SLC23A3: variants seen among roughly 807,000 people sequenced by gnomAD.
SLC23A3 encodes solute carrier family 23 member 3, also known as E2-binding protein 3.
Under a neutral mutation model 64.7 loss-of-function variants are expected in SLC23A3, and 41 were observed. That is an observed-to-expected ratio of 0.63 (90% CI 0.49 to 0.82). The LOEUF is 0.82. Among genes scored for constraint, SLC23A3 ranks in the 40% least tolerant of loss-of-function variants. The probability of loss-of-function intolerance (pLI) is 0.00; values close to 1 mark genes in which losing one functional copy is unlikely to be tolerated. For missense variants in SLC23A3, 647 were observed against 733.4 expected, an observed-to-expected ratio of 0.88 and a Z score of 1.36; for synonymous variants, 281 against 306.8, an observed-to-expected ratio of 0.92 and a Z score of 0.88.
intron 9 of SLC23A3, 130 bp downstream of exon 9, chr2:219,164,103 C>T (rs923489981): frequency 3.1e-6 from 2 of 647,580 alleles, no homozygotes; most frequent in Non-Finnish European, 5.5e-6. Context: ...CATATCCATC[C>T]ATCCATCCAT....
rs1384429372 is a variant in SLC23A3, at chr2:219,168,836, G to A, written c.493-3C>T. On this transcript the variant is annotated splice_region_variant and splice_polypyrimidine_tract_variant and intron_variant, in intron 4 of 11. Transcript: ENST00000409878. The stretch of plus-strand genomic sequence containing the variant: ...GATACTACCACTGCCCCGGACACCT[G>A]GTAGAAGAGAGGAGAGGATGGAGAG... 6.3e-7 allele frequency: 1 copy of A among 1,579,758 alleles called. No homozygotes were observed. Among genetic ancestry groups the A allele is most frequent in the African/African-American group, 1.4e-5 (1 of 73,854 alleles).
Position 219,165,294 on chromosome 2 carries a change from G to A in SLC23A3, c.1042C>T (p.Pro348Ser), listed in dbSNP as rs1253241689. Reference sequence around the variant, plus strand: ...AGCCCTCGACTGCAGGCATGTGGAGGTGGGGGAGGCAAATGCAGCAGCCGG... The same window carrying A: ...AGCCCTCGACTGCAGGCATGTGGAGATGGGGGAGGCAAATGCAGCAGCCGG... ...CGRLLHLPPP[P>S]PHACSRGLSL... Residue 348 changes from proline to serine, a missense_variant, in exon 8 of 12, where the codon CCT (proline) becomes TCT (serine). Transcript: ENST00000409878. 4 of 1,551,520 alleles carry A rather than the reference G, an allele frequency of 2.6e-6. No homozygotes were observed. Among genetic ancestry groups the A allele is most frequent in the Non-Finnish European group, 3.5e-6 (4 of 1,147,012 alleles).
chr2:219,162,057 T>G lies in SLC23A3; in HGVS notation c.1685A>C (p.Gln562Pro). 1 of 1,614,100 alleles carries G rather than the reference T, an allele frequency of 6.2e-7. No individual in the cohort carries two copies. Among genetic ancestry groups the G allele is most frequent in the South Asian group, 1.1e-5 (1 of 91,080 alleles). The change falls in exon 12 of 12, where the codon CAG (glutamine) becomes CCG (proline). Residue 562 changes from glutamine to proline, a missense_variant. By Grantham distance (76) the Gln-to-Pro change is moderately conservative. Coordinates refer to ENST00000409878, the MANE Select transcript of SLC23A3 (RefSeq NM_001144889.2). Reference sequence around the variant, plus strand: ...CAGTGGGCAGAGGCAGTGGAGAGGCTGGGGGATGCAGGGACAGAGGTTTTG... The same window carrying G: ...CAGTGGGCAGAGGCAGTGGAGAGGCGGGGGGATGCAGGGACAGAGGTTTTG... ...PIQNLCPCIP[Q>P]PLHCLCPLPE...
At position 219,169,972 on chromosome 2, in the gene SLC23A3, G is replaced by T. The variant is rs758317189; in HGVS notation, c.13C>A (p.Pro5Thr). ...GATCGGAGTTGGCTGGGATTGAGGG[G>T]TGATCGGCTCATGCTGCCTTGCCTT... MSRS[P>T]LNPSQLRSVG... The change falls in exon 1 of 12, where the codon CCC (proline) becomes ACC (threonine). Residue 5 changes from proline (P) to threonine (T), a missense_variant. Coordinates refer to ENST00000409878, the MANE Select transcript of SLC23A3 (RefSeq NM_001144889.2). This position sits in a 1 kb window ranked among gnomAD's most constrained non-coding sequence, Gnocchi z 4.5. 4 of 1,613,980 alleles carry T rather than the reference G, an allele frequency of 2.5e-6. No individual in the cohort carries two copies. The Admixed American group carries it at 6.7e-5, about 27-fold the overall frequency.
intron 5 of SLC23A3, 117 bp from the exon 6 acceptor site, chr2:219,168,435 C>T (rs1950025845): frequency 1.1e-5 from 14 of 1,303,542 alleles, no homozygotes; most frequent in South Asian, 1.5e-5. Context: ...AAGGAAACTC[C>T]CATGGAAGGA....
intron 10 of SLC23A3, 40 bp downstream of exon 10, chr2:219,163,348 C>T: frequency 2.5e-6 from 4 of 1,598,240 alleles, no homozygotes; most frequent in Non-Finnish European, 3.4e-6. Context: ...CCTCAACTTG[C>T]TTTCCTGCTA....
intron 8 of SLC23A3, chr2:219,164,576 T>C (rs1480718829): frequency 4.4e-6 from 2 of 456,244 alleles, no homozygotes; most frequent in Non-Finnish European, 7.8e-6. Context: ...TTTTAATTTT[T>C]TGAGATGGAG....
intron 5 of SLC23A3, 96 bp from the exon 6 acceptor site, chr2:219,168,414 T>C (rs1950025731): frequency 9.4e-6 from 13 of 1,386,722 alleles, no homozygotes; most frequent in Non-Finnish European, 1.3e-5. Flanking sequence ...GAGCGGGGGG[T>C]GATACCAGAG....
At position 219,164,221 on chromosome 2, in the gene SLC23A3, A is replaced by T. The variant is rs1213153431; in HGVS notation, c.1273+12T>A. The T allele has an allele frequency of 6.4e-7, 1 of 1,571,730 alleles. No homozygotes were observed. The highest frequency in any genetic ancestry group is 8.7e-7 in the Non-Finnish European group (1 of 1,147,268). On this transcript the variant is annotated intron_variant, in intron 9 of 11. Transcript: ENST00000409878. ...GCAGTTCAATACCAGCCCTGTTGAT[A>T]CATCCACTCACCAACAACAGGCAGT... is the stretch of plus-strand genomic sequence containing the variant.
chr2:219,162,533 T>C, intron 10 of SLC23A3, 139 bp from the exon 11 acceptor site: 1 of 665,524 alleles, frequency 1.5e-6, no homozygotes, highest in Admixed American at 2.6e-5. Context: ...CTCTCACCCT[T>C]TGTCTTTCTA....
In SLC23A3 at chr2:219,165,248, C is replaced by G. The variant is rs1205045492; in HGVS notation, c.1088G>C (p.Ser363Thr). 6.4e-7 allele frequency: 1 copy of G among 1,551,658 alleles called. No individual in the cohort carries two copies. Among genetic ancestry groups the G allele is most frequent in the East Asian group, 2.4e-5 (1 of 40,922 alleles). ...GCTTCCCAGCAGCCCGGCCAGCACA[C>G]TGCCCAGCCCCTCCAGGCTCAGCCC... ...SRGLSLEGLGSVLAGLLGSPM... is the reference protein window; with the variant it reads ...SRGLSLEGLGTVLAGLLGSPM... Residue 363 changes from serine (S) to threonine (T), a missense_variant, in exon 8 of 12, where the codon AGT (serine) becomes ACT (threonine). By Grantham distance (58) the Ser-to-Thr change is moderately conservative. Transcript: ENST00000409878.
rs779176391 is a variant in SLC23A3 at position 219,164,357 on chromosome 2, C to A, written c.1168-19G>T. 3 of 1,518,678 alleles carry A rather than the reference C, an allele frequency of 2.0e-6. No homozygotes were observed. In the African/African-American group the frequency reaches 4.1e-5, roughly 21 times the overall value. 94.1% of individuals were successfully genotyped at this position (1,518,678 alleles called of 1,614,324 possible). On this transcript the variant is annotated intron_variant, in intron 8 of 11. Transcript: ENST00000409878. ...ATCCAGCCTGCATGAAGAAAAGACA[C>A]TGGAAAACACAGCCACTTCCTCAGA...
intron 7 of SLC23A3, among the ~76,000 whole-genome samples, chr2:219,167,079 G>A (rs1950011601): frequency 6.6e-6 from 1 of 152,076 alleles, no homozygotes; most frequent in South Asian, 2.1e-4. Flanking sequence ...ACAACATGGC[G>A]AAATCCCGTC....
At position 219,169,241 on chromosome 2, in the gene SLC23A3, A is replaced by G. The variant is rs748321256; in HGVS notation, c.418+68T>C. 3.7e-6 allele frequency: 6 copies of G among 1,613,146 alleles called. No individual in the cohort carries two copies. Among genetic ancestry groups the G allele is most frequent in the East Asian group, 4.5e-5 (2 of 44,878 alleles). ...ACTGCCCAATCTCAATTCTGCACCC[A>G]CCTACACCTGCATGCTCAGATGAGA... is the stretch of plus-strand genomic sequence containing the variant. On this transcript the variant is annotated intron_variant, in intron 3 of 11. Coordinates refer to ENST00000409878, the MANE Select transcript of SLC23A3 (RefSeq NM_001144889.2). This position sits in a 1 kb window ranked among gnomAD's most constrained non-coding sequence, Gnocchi z 4.5.
Position 219,168,297 on chromosome 2 carries a change from G to C in SLC23A3, c.696C>G (p.Val232=), listed in dbSNP as rs1257710539. The C allele has an allele frequency of 6.2e-7, 1 of 1,610,734 alleles. No individual in the cohort carries two copies. The highest frequency in any genetic ancestry group is 1.7e-5 in the Admixed American group (1 of 59,504). The part of the protein sequence containing the change: ...LALLVILLMV[V]CSQHLGSCQF... ...GGCAGGAGCCCAGGTGCTGAGAACA[G>C]ACCACCATGAGCAGGATAACCCTAG... is the stretch of plus-strand genomic sequence containing the variant. The change falls in exon 6 of 12, where the codon GTC becomes GTG. Residue 232 remains valine, a synonymous_variant. Transcript: ENST00000409878.
At chr2:219,165,516 C>CA (rs1191382015) in intron 7 of SLC23A3, 94 bp from the exon 8 acceptor site, 1 of 1,405,384 alleles carries the variant, frequency 7.1e-7, no homozygotes, top group East Asian at 2.5e-5. Context: ...CTAGATGCCT[C>CA]AATGTCTTTG....
chr2:219,165,317 C>T lies in SLC23A3; in HGVS notation c.1019G>A (p.Arg340Gln), dbSNP rs1574758868. 4.5e-6 allele frequency: 7 copies of T among 1,551,612 alleles called. No homozygotes were observed. Among genetic ancestry groups the T allele is most frequent in the African/African-American group, 1.4e-5 (1 of 73,186 alleles). ...SSLGCYALCG[R>Q]LLHLPPPPPH... ...AGGTGGGGGAGGCAAATGCAGCAGC[C>T]GGCCACACAGGGCATAGCAGCCCAG... is the stretch of plus-strand genomic sequence containing the variant. Residue 340 changes from arginine (R) to glutamine (Q), a missense_variant, in exon 8 of 12, where the codon CGG becomes CAG. Transcript: ENST00000409878.
Position 219,163,551 on chromosome 2 carries a change from C to T in SLC23A3, c.1278G>A (p.Gly426=). The change falls in exon 10 of 12, where the codon GGG becomes GGA. Residue 426 remains glycine, a synonymous_variant. Coordinates refer to ENST00000409878, the MANE Select transcript of SLC23A3 (RefSeq NM_001144889.2). ...CCACAGCCTGGGTCACCCCCAGCAC[C>T]CCACCTGTCTCATACAGAAGAAATC... ...LTTIPLPVVG[G]VLGVTQAVVL... 1 of 1,614,136 alleles carries T rather than the reference C, an allele frequency of 6.2e-7. No homozygotes were observed. Among genetic ancestry groups the T allele is most frequent in the Non-Finnish European group, 8.5e-7 (1 of 1,180,040 alleles).
chr2:219,162,301 G>C lies in SLC23A3; in HGVS notation c.1535C>G (p.Pro512Arg). 2.5e-6 allele frequency: 4 copies of C among 1,614,126 alleles called. No homozygotes were observed. The highest frequency in any genetic ancestry group is 3.4e-6 in the Non-Finnish European group (4 of 1,180,006). The change falls in exon 11 of 12, where the codon CCT (proline) becomes CGT (arginine). Residue 512 changes from proline to arginine, a missense_variant and splice_region_variant. Transcript: ENST00000409878. Reference protein sequence around the residue: ...LSGFLLENTIPGTQLERGLGQ... With the variant: ...LSGFLLENTIRGTQLERGLGQ... ...GCTAGGGCCTAGCCTCAACTTACCA[G>C]GAATCGTGTTCTCTAGTAGGAAGCC...
Sources: gnomAD v4.1 joint callset for allele counts (sites outside exome capture counted in the v4.1 genomes callset) on GRCh38, gnomAD v4.1.1 for gene constraint, Gnocchi (gnomAD v3.1) non-coding constraint, MANE v1.5 for transcripts, NCBI Gene and HGNC (gene_info 2026-07-23, HGNC 2026-07-21) for gene names.